The following ACER3 variants were observed in gnomAD, a reference collection of about 807,000 sequenced individuals.
ACER3 encodes the protein alkaline ceramidase 3, also known as alkCDase 3.
In ACER3, 16 loss-of-function variants were observed where a neutral mutation model predicts 48.9. The ratio of observed to expected loss-of-function variants is 0.33; its 90% confidence interval spans 0.22 to 0.50. ACER3 has a LOEUF of 0.50. Ranked by LOEUF, ACER3 falls within the 20% of genes least tolerant of loss-of-function variation. The probability of loss-of-function intolerance (pLI) is 0.98; values close to 1 mark genes in which losing one functional copy is unlikely to be tolerated. For synonymous variants in ACER3, 109 were observed against 107.8 expected, an observed-to-expected ratio of 1.01 and a Z score of -0.07; for missense variants, 227 against 326.0, an observed-to-expected ratio of 0.70 and a Z score of 2.34.
At chr11:76,946,169 T>C (rs1038552694) in intron 2 of ACER3, among the ~76,000 whole-genome samples, 2 of 151,684 alleles carry the variant, frequency 1.3e-5, no homozygotes, top group African/African-American at 2.4e-5. Context: ...CCTTGGTACA[T>C]GTAAGAGAGC....
intron 6 of ACER3, among the ~76,000 whole-genome samples, chr11:76,998,092 T>C (rs1948952787): frequency 6.6e-6 from 1 of 152,202 alleles, no homozygotes; most frequent in South Asian, 2.1e-4. Context: ...TTGACCTGGG[T>C]GGTGCTTTCT....
intron 2 of ACER3, among the ~76,000 whole-genome samples, chr11:76,948,655 C>T (rs1319713242): frequency 6.6e-6 from 1 of 152,176 alleles, no homozygotes; most frequent in African/African-American, 2.4e-5. Flanking sequence ...TTTATGGAAA[C>T]ATGACCTTCT....
chr11:76,965,057 C>A (rs1948102128), intron 3 of ACER3, among the ~76,000 whole-genome samples: 1 of 151,086 alleles, frequency 6.6e-6, no homozygotes, highest in South Asian at 2.1e-4. Context: ...AGTTAAAAAC[C>A]TTGAAAAAAA....
intron 1 of ACER3, among the ~76,000 whole-genome samples, chr11:76,915,072 A>G (rs1284565432): frequency 1.3e-5 from 2 of 152,138 alleles, no homozygotes; most frequent in African/African-American, 2.4e-5. Context: ...TAGCATTAGG[A>G]GATATACCTA....
intron 6 of ACER3, 62 bp downstream of exon 6, chr11:76,990,636 C>T: frequency 9.0e-7 from 1 of 1,111,588 alleles, no homozygotes; most frequent in Non-Finnish European, 1.3e-6. Context: ...TTTGTGATTT[C>T]CTTGTCTAAG....
At chr11:76,895,039 A>C (rs1945895354) in intron 1 of ACER3, among the ~76,000 whole-genome samples, 2 of 152,088 alleles carry the variant, frequency 1.3e-5, no homozygotes, top group African/African-American at 4.8e-5. Flanking sequence ...ATACTTTATT[A>C]TTATATATTT....
chr11:76,861,813 A>C (rs771600419), intron 1 of ACER3, among the ~76,000 whole-genome samples: 79 of 152,090 alleles, frequency 5.2e-4, no homozygotes, highest in Non-Finnish European at 1.0e-3. Flanking sequence ...GTCCTATCCA[A>C]CTATCTAGGA....
intron 7 of ACER3, among the ~76,000 whole-genome samples, chr11:77,012,001 T>C (rs1261506947): frequency 6.6e-6 from 1 of 151,990 alleles, no homozygotes; most frequent in Non-Finnish European, 1.5e-5. Context: ...CCTTTAAAAA[T>C]CAAGAATAAA....
At chr11:76,966,805 G>C (rs1332564249) in intron 3 of ACER3, among the ~76,000 whole-genome samples, 1 of 151,086 alleles carries the variant, frequency 6.6e-6, no homozygotes. Context: ...CACATTCAAA[G>C]CAGTGTGTAG....
intron 2 of ACER3, among the ~76,000 whole-genome samples, chr11:76,941,892 G>C (rs1947350646): frequency 6.6e-6 from 1 of 151,730 alleles, no homozygotes; most frequent in Non-Finnish European, 1.5e-5. Context: ...ATATTTCTAG[G>C]TATTTTATTA....
rs10565723 is a variant in ACER3 at position 77,022,868 on chromosome 11, C to CAAAAAAAAAAAAAAAAAAAAAA, written c.*2544_*2565dup. ...ATGGTGGCAGAGCGAGACTCCGTCTCAAAAAAAAAAAAAAAAAAAAAAAAG... is the reference window on the plus strand; with the variant it reads ...ATGGTGGCAGAGCGAGACTCCGTCTCAAAAAAAAAAAAAAAAAAAAAAAAAAAAAAAAAAAAAAAAAAAAAAG... On this transcript the variant is annotated 3_prime_UTR_variant, in exon 11 of 11. Transcript: ENST00000532485. 6 of 276,174 alleles carry CAAAAAAAAAAAAAAAAAAAAAA rather than the reference C, an allele frequency of 2.2e-5. No individual in the cohort carries two copies. Among genetic ancestry groups the CAAAAAAAAAAAAAAAAAAAAAA allele is most frequent in the African/African-American group, 1.2e-4 (5 of 41,412 alleles). 17.1% of individuals were successfully genotyped at this position (276,174 alleles called of 1,614,324 possible).
intron 7 of ACER3, among the ~76,000 whole-genome samples, chr11:77,004,920 TAC>T (rs1949101851): frequency 6.6e-6 from 1 of 152,110 alleles, no homozygotes; most frequent in Non-Finnish European, 1.5e-5. Context: ...TTTATATGAA[TAC>T]AATTATTAAT....
intron 8 of ACER3, 178 bp downstream of exon 8, chr11:77,015,295 A>C (rs781512397): frequency 4.1e-6 from 2 of 486,416 alleles, no homozygotes; most frequent in Non-Finnish European, 7.2e-6. Flanking sequence ...AAATTACCTA[A>C]AATTTTGGAC....
At chr11:76,943,155 T>C (rs1947381951) in intron 2 of ACER3, among the ~76,000 whole-genome samples, 1 of 152,038 alleles carries the variant, frequency 6.6e-6, no homozygotes, top group South Asian at 2.1e-4. Context: ...TTTTTGTTTG[T>C]TTCATTTATT....
rs60656670 is a variant in ACER3 at position 76,883,438 on chromosome 11, C to CTT, written c.103+22378_103+22379dup. 3.6e-3 allele frequency among the ~76,000 whole-genome samples: 359 copies of CTT among 98,958 alleles called. 26 individuals are homozygous for CTT. Among genetic ancestry groups the CTT allele is most frequent in the Middle Eastern group, 0.011 (1 of 94 alleles). The allele number at this position is 98,958 out of a possible 152,430, so 64.9% of individuals were successfully genotyped here. On this transcript the variant is annotated intron_variant, in intron 1 of 10. Coordinates refer to ENST00000532485, the MANE Select transcript of ACER3 (RefSeq NM_018367.7). Reference sequence around the variant, plus strand: ...TTGCTTCTTTTGAATGATTTTCTTGCTTTTTTTTTTTTTTTTTTTTGAGAC... The same window carrying CTT: ...TTGCTTCTTTTGAATGATTTTCTTGCTTTTTTTTTTTTTTTTTTTTTTGAGAC...
rs1555019148 is a variant in ACER3 at position 76,998,757 on chromosome 11, A to G, written c.439-6A>G. On this transcript the variant is annotated splice_polypyrimidine_tract_variant and splice_region_variant and intron_variant, in intron 6 of 10. Transcript: ENST00000532485. Reference sequence around the variant, plus strand: ...TGTACTAACCTCATTTTCCGTTCCTATTTAGGTCATGTATGGAATGTTGGT... The same window carrying G: ...TGTACTAACCTCATTTTCCGTTCCTGTTTAGGTCATGTATGGAATGTTGGT... 3.1e-6 allele frequency: 5 copies of G among 1,589,088 alleles called. No individual in the cohort carries two copies. Among genetic ancestry groups the G allele is most frequent in the South Asian group, 2.3e-5 (2 of 86,806 alleles).
chr11:76,878,331 T>G (rs1367630257), intron 1 of ACER3, among the ~76,000 whole-genome samples: 1 of 152,010 alleles, frequency 6.6e-6, no homozygotes, highest in Non-Finnish European at 1.5e-5. Context: ...AATTCTCGAA[T>G]TTTTTGGTCT....
At chr11:76,987,916 G>A (rs1948717808) in intron 5 of ACER3, among the ~76,000 whole-genome samples, 2 of 152,178 alleles carry the variant, frequency 1.3e-5, no homozygotes, top group South Asian at 4.1e-4. Context: ...CTCTGGCCTG[G>A]GTGACAGAGT....
rs777604778 is a variant in ACER3 at position 76,860,980 on chromosome 11, G to T, written c.4G>T (p.Ala2Ser). The change falls in exon 1 of 11, where the codon GCT becomes TCT. Residue 2 changes from alanine (A) to serine (S), a missense_variant. By Grantham distance (99) the Ala-to-Ser change is moderately conservative. Coordinates refer to ENST00000532485, the MANE Select transcript of ACER3 (RefSeq NM_018367.7). M[A>S]PAADREGYWG... The stretch of plus-strand genomic sequence containing the variant: ...GGGCGGCGGCGGCGGCGGCGTGATG[G>T]CTCCGGCCGCGGACCGAGAGGGCTA... 2.0e-6 allele frequency: 3 copies of T among 1,534,910 alleles called. No homozygotes were observed. Among genetic ancestry groups the T allele is most frequent in the Non-Finnish European group, 1.8e-6 (2 of 1,141,272 alleles).
Sources: allele counts gnomAD v4.1 joint callset (sites outside exome capture counted in the v4.1 genomes callset), GRCh38; gene constraint gnomAD v4.1.1; transcripts MANE v1.5; gene names NCBI Gene and HGNC (gene_info 2026-07-23, HGNC 2026-07-21).